INTU: variants seen among roughly 807,000 people sequenced by gnomAD.
INTU encodes the protein inturned planar cell polarity protein, also known as protein inturned.
A neutral mutation model predicts 100.5 loss-of-function variants in INTU; 68 were observed. The ratio of observed to expected loss-of-function variants is 0.68; its 90% CI spans 0.56 to 0.83. INTU has a LOEUF of 0.83. Ranked by LOEUF, INTU falls within the 40% of genes least tolerant of loss-of-function variation. The pLI is 0.00. For synonymous variants in INTU, 357 were observed against 395.7 expected, an observed-to-expected ratio of 0.90 and a Z score of 1.16; for missense variants, 1,071 against 1,114.7, an observed-to-expected ratio of 0.96 and a Z score of 0.56.
Position 127,640,574 on chromosome 4 carries a change from TATATATATATATATATAC to T in INTU, c.147-2941_147-2924del, listed in dbSNP as rs1351172216. On this transcript the variant is annotated intron_variant, in intron 1 of 15. Coordinates refer to ENST00000335251, the MANE Select transcript of INTU (RefSeq NM_015693.4). ...ATATATATATATATATATATATATA[TATATATATATATATATAC>T]ATATACATAAACACACATGTGTATA... 5.7e-3 allele frequency among the ~76,000 whole-genome samples: 413 copies of T among 72,534 alleles called. 20 individuals carry two copies. The highest frequency in any genetic ancestry group is 0.019 in the African/African-American group (307 of 16,558). 47.6% of individuals were successfully genotyped at this position (72,534 alleles called of 152,430 possible). A position where few individuals can be genotyped will look rare whatever the true frequency, so the allele number is the denominator to read the frequency against.
chr4:127,703,005 A>G (rs1446851376), intron 9 of INTU, among the ~76,000 whole-genome samples: 1 of 152,156 alleles, frequency 6.6e-6, no homozygotes, highest in African/African-American at 2.4e-5. Context: ...TTCCTGCTCC[A>G]TGGTCAGGCC....
Position 127,714,039 on chromosome 4 carries a change from G to A in INTU, c.2663G>A (p.Gly888Glu). 1 of 1,613,632 alleles carries A rather than the reference G, an allele frequency of 6.2e-7. No homozygotes were observed. Among genetic ancestry groups the A allele is most frequent in the Non-Finnish European group, 8.5e-7 (1 of 1,179,822 alleles). ...EHGVLFECSP[G>E]NWTDQKKAPP... ...GGTGTGTTGTTTGAATGTTCACCTGGAAACTGGACTGATCAGAAAAAAGCA... is the reference window on the plus strand; with the variant it reads ...GGTGTGTTGTTTGAATGTTCACCTGAAAACTGGACTGATCAGAAAAAAGCA... Residue 888 changes from glycine to glutamate, a missense_variant, in exon 15 of 16, where the codon GGA becomes GAA. Physicochemically the swap from Gly to Glu is moderately conservative, Grantham distance 98. Transcript: ENST00000335251.
chr4:127,666,919 C>A (rs979353287), intron 4 of INTU, among the ~76,000 whole-genome samples: 25 of 152,068 alleles, frequency 1.6e-4, no homozygotes, highest in Non-Finnish European at 2.4e-4. Context: ...CTTCATATAT[C>A]AAAATTTAGT....
At chr4:127,674,464 G>T (rs1019065946) in intron 6 of INTU, among the ~76,000 whole-genome samples, 1 of 152,334 alleles carries the variant, frequency 6.6e-6, no homozygotes. Context: ...GTGGTCAATA[G>T]AGAGGTGGCT....
Position 127,681,290 on chromosome 4 carries a change from G to A in INTU, c.1182-3119G>A, listed in dbSNP as rs922801409. Among the ~76,000 whole-genome samples, 924 of 152,214 alleles carry A rather than the reference G, an allele frequency of 6.1e-3. 7 individuals are homozygous for A. Among genetic ancestry groups the A allele is most frequent in the Middle Eastern group, 0.024 (7 of 294 alleles). ...ATGGAACCAAAAAAGAGGCCGCATC[G>A]CCAAGTCAATCCTAAGCCAAAAGAA... On this transcript the variant is annotated intron_variant, in intron 6 of 15. Transcript: ENST00000335251.
chr4:127,708,161 G>T (rs947375113), intron 12 of INTU, among the ~76,000 whole-genome samples: 1 of 152,196 alleles, frequency 6.6e-6, no homozygotes, highest in Admixed American at 6.5e-5. Flanking sequence ...GCTCCTAAGA[G>T]AAATTGAGTT....
At chr4:127,700,140 C>A in intron 9 of INTU, 77 bp downstream of exon 9, 1 of 1,127,556 alleles carries the variant, frequency 8.9e-7, no homozygotes, top group South Asian at 1.4e-5. Flanking sequence ...TAAATATTTA[C>A]CAAGTGGATA....
chr4:127,678,409 G>C (rs1014770522), intron 6 of INTU, among the ~76,000 whole-genome samples: 18 of 152,208 alleles, frequency 1.2e-4, no homozygotes, highest in African/African-American at 4.3e-4. Flanking sequence ...TCTCTCGGCA[G>C]AAACCCTACA....
At chr4:127,655,922 G>A (rs144058826) in intron 2 of INTU, among the ~76,000 whole-genome samples, 3 of 151,378 alleles carry the variant, frequency 2.0e-5, no homozygotes, top group Non-Finnish European at 3.0e-5. Context: ...ATATAATCTC[G>A]TGGTGCGCCG....
chr4:127,706,605 A>G lies in INTU; in HGVS notation c.1907A>G (p.Asp636Gly), dbSNP rs1730889403. The G allele has an allele frequency of 6.2e-7, 1 of 1,614,076 alleles. No homozygotes were observed. The highest frequency in any genetic ancestry group is 1.7e-5 in the Admixed American group (1 of 59,984). The change falls in exon 12 of 16, where the codon GAT becomes GGT. Residue 636 changes from aspartate (D) to glycine (G), a missense_variant. Physicochemically the swap from Asp to Gly is moderately conservative, Grantham distance 94 (BLOSUM62 -1). Transcript: ENST00000335251. ...DQVKTTLHQL[D>G]GVDSRIDERL... ...GTCAAAACAACTCTTCACCAGCTGG[A>G]TGGAGTAGATTCTCGCATAGATGAA...
chr4:127,708,152 C>T (rs1730963734), intron 12 of INTU, among the ~76,000 whole-genome samples: 1 of 152,142 alleles, frequency 6.6e-6, no homozygotes, highest in South Asian at 2.1e-4. Context: ...CCATGAATAG[C>T]TCCTAAGAGA....
chr4:127,640,208 G>A (rs1310566251), intron 1 of INTU, among the ~76,000 whole-genome samples: 1 of 152,072 alleles, frequency 6.6e-6, no homozygotes, highest in South Asian at 2.1e-4. Flanking sequence ...AGAGTCCTGT[G>A]AGGTAGCTAT....
rs543868347 is a variant in INTU, at chr4:127,722,704, C to G, written c.*6268C>G. On this transcript the variant is annotated 3_prime_UTR_variant, in exon 16 of 16. Transcript: ENST00000335251. ...TGAAGAGGAGTGAATCTGGGTTCCA[C>G]CCCATCTCGCCGGCGCTAGCAGCAA... 6.6e-6 allele frequency: 1 copy of G among 152,358 alleles called. No individual in the cohort carries two copies. The highest frequency in any genetic ancestry group is 1.5e-5 in the Non-Finnish European group (1 of 68,158). The allele number at this position is 152,358 out of a possible 1,614,324, so 9.4% of individuals were successfully genotyped here.
chr4:127,651,259 T>C (rs1459700638), intron 2 of INTU, among the ~76,000 whole-genome samples: 1 of 152,184 alleles, frequency 6.6e-6, no homozygotes, highest in Admixed American at 6.5e-5. Flanking sequence ...TTTGTTGCCA[T>C]TGCTTTTGGT....
chr4:127,712,804 C>T (rs889559748), intron 14 of INTU, among the ~76,000 whole-genome samples: 1 of 152,184 alleles, frequency 6.6e-6, no homozygotes, highest in Non-Finnish European at 1.5e-5. Context: ...AGAGCATTAC[C>T]GCCTGAGGTC....
At chr4:127,707,392 CAAA>C (rs71587331) in intron 12 of INTU, among the ~76,000 whole-genome samples, 2 of 44,582 alleles carry the variant, frequency 4.5e-5, no homozygotes, top group East Asian at 8.5e-4. Flanking sequence ...GACTCTGTCT[CAAA>C]AAAAAAAAAA....
At chr4:127,703,302 G>T (rs1560615483) in intron 9 of INTU, among the ~76,000 whole-genome samples, 1 of 151,790 alleles carries the variant, frequency 6.6e-6, no homozygotes, top group African/African-American at 2.4e-5. Context: ...TTTTTAAAAA[G>T]AAAAAAAACT....
intron 13 of INTU, 123 bp downstream of exon 13, chr4:127,708,791 A>G: frequency 1.8e-6 from 1 of 556,968 alleles, no homozygotes; most frequent in Non-Finnish European, 3.2e-6. Flanking sequence ...TATTAAAGGT[A>G]ATATCTGTGG....
At chr4:127,690,718 T>C (rs1199015551) in intron 8 of INTU, among the ~76,000 whole-genome samples, 1 of 152,144 alleles carries the variant, frequency 6.6e-6, no homozygotes, top group East Asian at 1.9e-4. Flanking sequence ...CACAGTAAAA[T>C]TGAGAGAAAG....
Sources: allele counts gnomAD v4.1 joint callset (sites outside exome capture counted in the v4.1 genomes callset), GRCh38; gene constraint gnomAD v4.1.1; transcripts MANE v1.5; gene names NCBI Gene and HGNC (gene_info 2026-07-23, HGNC 2026-07-21).